BMAL1: variants seen among roughly 807,000 people sequenced by gnomAD.
BMAL1 encodes basic helix-loop-helix ARNT like 1.
At chr11:13,380,953 C>G in the BMAL1 span, 1 of 543,426 alleles carries the variant, frequency 1.8e-6, no homozygotes, top group Middle Eastern at 4.7e-4. Context: ...CGATTCGTAT[C>G]TGTGGCTGCT....
the BMAL1 span, among the ~76,000 whole-genome samples, chr11:13,342,281 C>T: frequency 6.6e-6 from 1 of 152,196 alleles, no homozygotes; most frequent in African/African-American, 2.4e-5. Context: ...TGGCCAGAGA[C>T]CACTCATAAG....
the BMAL1 span, among the ~76,000 whole-genome samples, chr11:13,317,016 A>T: frequency 6.6e-6 from 1 of 152,170 alleles, no homozygotes; most frequent in Non-Finnish European, 1.5e-5. Flanking sequence ...GTAAAATGGG[A>T]TTGTAATCAT....
the BMAL1 span, among the ~76,000 whole-genome samples, chr11:13,323,496 CCCCA>C: frequency 0.66 from 85,308 of 128,316 alleles, 24,068 homozygotes; most frequent in Middle Eastern, 0.71. Flanking sequence ...GTTATGAGGT[CCCCA>C]TCATTTTTAC....
the BMAL1 span, among the ~76,000 whole-genome samples, chr11:13,284,248 ATATATATATATATATATATTTTT>A: frequency 2.1e-4 from 5 of 23,720 alleles, no homozygotes; most frequent in Non-Finnish European, 2.7e-4. Flanking sequence ...ATATATATAT[ATATATATATATATATATATTTTT>A]TTTTTTAATG....
the BMAL1 span, among the ~76,000 whole-genome samples, chr11:13,351,872 A>G: frequency 2.0e-5 from 3 of 152,210 alleles, no homozygotes. Flanking sequence ...GAGTTGGATT[A>G]TTGAGAATAA....
At chr11:13,381,226 C>G in the BMAL1 span, 14 of 1,614,146 alleles carry the variant, frequency 8.7e-6, no homozygotes, top group South Asian at 2.2e-5. Flanking sequence ...ACGCCTCCCC[C>G]TGATGCCTCT....
chr11:13,340,066 G>A, the BMAL1 span, among the ~76,000 whole-genome samples: 72 of 152,296 alleles, frequency 4.7e-4, no homozygotes, highest in African/African-American at 1.6e-3. Flanking sequence ...CAAGCAGTTT[G>A]TGGTGGAAAT....
At chr11:13,368,194 A>G in the BMAL1 span, among the ~76,000 whole-genome samples, 1 of 152,218 alleles carries the variant, frequency 6.6e-6, no homozygotes, top group Non-Finnish European at 1.5e-5. Context: ...GACAGACAGC[A>G]CCCTGCATAG....
At chr11:13,365,285 A>ACACACC in the BMAL1 span, 1 of 239,728 alleles carries the variant, frequency 4.2e-6, no homozygotes, top group South Asian at 8.1e-5. Context: ...ATGCAGAAAC[A>ACACACC]CACACACACA....
At chr11:13,369,918 T>G in the BMAL1 span, 2 of 962,270 alleles carry the variant, frequency 2.1e-6, no homozygotes, top group South Asian at 3.5e-5. Context: ...CCTCCCTATG[T>G]GTAGGGCAGT....
chr11:13,349,636 A>T, the BMAL1 span, among the ~76,000 whole-genome samples: 2 of 152,172 alleles, frequency 1.3e-5, no homozygotes, highest in Admixed American at 1.3e-4. Context: ...AACACAACTA[A>T]CTTCCTTCTA....
chr11:13,343,943 T>C, the BMAL1 span, among the ~76,000 whole-genome samples: 1 of 152,180 alleles, frequency 6.6e-6, no homozygotes, highest in African/African-American at 2.4e-5. Flanking sequence ...TGCCGTCTCC[T>C]TGATTGATGT....
chr11:13,349,269 CATT>C, the BMAL1 span, among the ~76,000 whole-genome samples: 2 of 152,248 alleles, frequency 1.3e-5, no homozygotes, highest in Admixed American at 1.3e-4. Context: ...GCTCTGCTGG[CATT>C]ATGCTTCGGC....
At chr11:13,337,032 GA>G in the BMAL1 span, among the ~76,000 whole-genome samples, 2 of 152,162 alleles carry the variant, frequency 1.3e-5, no homozygotes, top group Non-Finnish European at 2.9e-5. Flanking sequence ...CCTCATAAGA[GA>G]AAGTTTGAAA....
At chr11:13,365,311 A>G in the BMAL1 span, 1 of 474,054 alleles carries the variant, frequency 2.1e-6, no homozygotes, top group South Asian at 2.5e-5. Flanking sequence ...ACACACACAC[A>G]CACACACACA....
the BMAL1 span, among the ~76,000 whole-genome samples, chr11:13,349,133 G>A: frequency 6.6e-6 from 1 of 152,172 alleles, no homozygotes; most frequent in Non-Finnish European, 1.5e-5. Context: ...AGTACCGCCC[G>A]GTGGCTACCA....
chr11:13,280,105 C>G, the BMAL1 span, among the ~76,000 whole-genome samples: 1 of 152,236 alleles, frequency 6.6e-6, no homozygotes, highest in African/African-American at 2.4e-5. Context: ...ATATTTAATA[C>G]ATTTGAATTC....
the BMAL1 span, among the ~76,000 whole-genome samples, chr11:13,373,760 C>T: frequency 0.44 from 66,917 of 152,046 alleles, 15,953 homozygotes; most frequent in South Asian, 0.62. Context: ...CTGCCCAACT[C>T]GGCCTCCCAA....
At chr11:13,324,307 C>T in the BMAL1 span, among the ~76,000 whole-genome samples, 1 of 152,204 alleles carries the variant, frequency 6.6e-6, no homozygotes, top group South Asian at 2.1e-4. Flanking sequence ...CTTGGCCTGC[C>T]AGCCCCTCCT....
Sources: allele counts gnomAD v4.1 joint callset (sites outside exome capture counted in the v4.1 genomes callset), GRCh38; gene constraint gnomAD v4.1.1; transcripts MANE v1.5; gene names NCBI Gene and HGNC (gene_info 2026-07-23, HGNC 2026-07-21).